CYRIB: variants seen among roughly 807,000 people sequenced by gnomAD.
CYRIB encodes the protein CYFIP-related Rac1 interactor B.
In CYRIB, 8 loss-of-function variants were observed where a neutral mutation model predicts 44.2. That is an observed-to-expected ratio of 0.18 (90% CI 0.11 to 0.33). The LOEUF (loss-of-function observed/expected upper bound fraction) is 0.33. CYRIB is among the 10% of genes least tolerant of loss of function. The probability of loss-of-function intolerance (pLI) is 1.00; values close to 1 mark genes in which losing one functional copy is unlikely to be tolerated. For synonymous variants in CYRIB, 131 were observed against 127.2 expected (o/e 1.03, Z -0.20); for missense variants, 185 against 382.8 (o/e 0.48, Z 4.31).
At chr8:129,945,140 T>C (rs2094043981) in intron 2 of CYRIB, among the ~76,000 whole-genome samples, 1 of 152,250 alleles carries the variant, frequency 6.6e-6, no homozygotes, top group African/African-American at 2.4e-5. Context: ...CATTGCTGTA[T>C]TGCAGGTAAA....
At chr8:129,872,556 A>C (rs2057700339) in intron 3 of CYRIB, among the ~76,000 whole-genome samples, 1 of 152,076 alleles carries the variant, frequency 6.6e-6, no homozygotes, top group South Asian at 2.1e-4. Context: ...TTTCTTTACA[A>C]ATCTTTCCAA....
At chr8:129,996,735 C>T (rs2096774804) in intron 1 of CYRIB, among the ~76,000 whole-genome samples, 1 of 152,092 alleles carries the variant, frequency 6.6e-6, no homozygotes, top group South Asian at 2.1e-4. Context: ...CCCCACAGCC[C>T]GCAGAATTCC....
At chr8:130,002,927 C>G (rs1321445097) in intron 1 of CYRIB, among the ~76,000 whole-genome samples, 2 of 152,208 alleles carry the variant, frequency 1.3e-5, no homozygotes, top group African/African-American at 4.8e-5. Flanking sequence ...AAGACTTCAT[C>G]TCTACTAAAA....
intron 1 of CYRIB, among the ~76,000 whole-genome samples, chr8:130,010,070 T>TC (rs1763907294): frequency 6.6e-6 from 1 of 152,108 alleles, no homozygotes; most frequent in South Asian, 2.1e-4. Flanking sequence ...TCACTGTCCT[T>TC]CCCCCACCTT....
chr8:129,924,635 G>T (rs1189499320), intron 1 of CYRIB, among the ~76,000 whole-genome samples: 1 of 151,978 alleles, frequency 6.6e-6, no homozygotes, highest in African/African-American at 2.4e-5. Context: ...TCATGACTTT[G>T]GTCACTCCCA....
At chr8:130,006,298 G>C (rs1378703391) in intron 1 of CYRIB, among the ~76,000 whole-genome samples, 2 of 151,230 alleles carry the variant, frequency 1.3e-5, no homozygotes, top group Non-Finnish European at 2.9e-5. Flanking sequence ...GTGACACTCT[G>C]TCTCAAAAGA....
At chr8:130,002,703 G>A (rs1216319729) in intron 1 of CYRIB, among the ~76,000 whole-genome samples, 5 of 152,224 alleles carry the variant, frequency 3.3e-5, no homozygotes, top group Non-Finnish European at 5.9e-5. Context: ...CTGACTTTGA[G>A]GGGCCGTGTA....
intron 1 of CYRIB, among the ~76,000 whole-genome samples, chr8:129,905,216 T>C (rs1371110472): frequency 1.3e-5 from 2 of 151,662 alleles, no homozygotes; most frequent in African/African-American, 4.8e-5. Context: ...GATTGATTGA[T>C]TGATTGATTG....
At position 129,977,452 on chromosome 8, in the gene CYRIB, G is replaced by A. The variant is rs549267143; in HGVS notation, c.-295-6457C>T. 2.0e-4 allele frequency among the ~76,000 whole-genome samples: 31 copies of A among 152,156 alleles called. 1 individual carries two copies. The South Asian group carries it at 6.2e-3, about 31-fold the overall frequency. ...GATGTGCACGTCTCTGTATGTAAATGTCAATAATAAGGTACAAAATGATCA... is the reference window on the plus strand; with the variant it reads ...GATGTGCACGTCTCTGTATGTAAATATCAATAATAAGGTACAAAATGATCA... On this transcript the variant is annotated intron_variant, in intron 1 of 14. Coordinates refer to the CYRIB transcript ENST00000401979.
chr8:129,839,668 ATTCT>A (rs2035339755), exon 12 of CYRIB: 1 of 152,192 alleles, frequency 6.6e-6, no homozygotes, highest in African/African-American at 2.4e-5. Context: ...ACAAAATATT[ATTCT>A]TTTGATTGTA....
chr8:129,857,868 T>C (rs1017962525), intron 5 of CYRIB, among the ~76,000 whole-genome samples: 8 of 152,132 alleles, frequency 5.3e-5, no homozygotes, highest in African/African-American at 1.9e-4. Context: ...AAAAGAAAAA[T>C]GCATCTGCCT....
At chr8:129,942,325 G>A (rs543868947), upstream of CYRIB, among the ~76,000 whole-genome samples, 22 of 152,246 alleles carry the variant, frequency 1.4e-4, no homozygotes, top group African/African-American at 4.6e-4. Flanking sequence ...GATGACGAGC[G>A]AAACACGTCT....
In CYRIB at chr8:129,956,835, C is replaced by T. The variant is rs567737916; in HGVS notation, c.-243+14108G>A. Among the ~76,000 whole-genome samples the T allele has an allele frequency of 2.7e-3, 386 of 140,698 alleles. 8 individuals carry two copies. Among genetic ancestry groups the T allele is most frequent in the Non-Finnish European group, 4.7e-3 (305 of 64,958 alleles). The allele number at this position is 140,698 out of a possible 152,430, so 92.3% of individuals were successfully genotyped here. On this transcript the variant is annotated intron_variant, in intron 2 of 14. Transcript: ENST00000401979. Reference sequence around the variant, plus strand: ...CTCCCTCCTCCCTCCCTCCCTCCCCCCAGCCTCTCTTTCTTTCTTTCTTTC... The same window carrying T: ...CTCCCTCCTCCCTCCCTCCCTCCCCTCAGCCTCTCTTTCTTTCTTTCTTTC...
intron 2 of CYRIB, among the ~76,000 whole-genome samples, chr8:129,967,719 C>T (rs2095541636): frequency 6.6e-6 from 1 of 152,140 alleles, no homozygotes; most frequent in South Asian, 2.1e-4. Flanking sequence ...TACCAGCACA[C>T]CAATGTAGAC....
intron 3 of CYRIB, among the ~76,000 whole-genome samples, chr8:129,874,310 A>T (rs2058398859): frequency 6.6e-6 from 1 of 152,104 alleles, no homozygotes; most frequent in South Asian, 2.1e-4. Context: ...GTTCTTATTG[A>T]AGGTAAATTA....
chr8:129,979,870 G>A (rs973890987), intron 1 of CYRIB, among the ~76,000 whole-genome samples: 3 of 152,098 alleles, frequency 2.0e-5, no homozygotes, highest in African/African-American at 7.2e-5. Context: ...GCAATGAGCC[G>A]AGATCACGCC....
exon 1 of CYRIB, chr8:130,016,432 T>TGCCGCC (rs1161504870): frequency 6.7e-6 from 1 of 149,508 alleles, no homozygotes; most frequent in Non-Finnish European, 1.5e-5. Context: ...GAGCCTCCGG[T>TGCCGCC]GCCGCCGCCG....
intron 1 of CYRIB, among the ~76,000 whole-genome samples, chr8:129,924,395 T>C (rs2086161991): frequency 6.8e-6 from 1 of 146,326 alleles, no homozygotes; most frequent in Non-Finnish European, 1.5e-5. Context: ...CAGATCTGCC[T>C]ATCCCAAAGT....
intron 1 of CYRIB, among the ~76,000 whole-genome samples, chr8:130,000,455 G>A (rs2096883516): frequency 6.6e-6 from 1 of 152,106 alleles, no homozygotes; most frequent in Non-Finnish European, 1.5e-5. Flanking sequence ...CACTTTGGGA[G>A]GCTGAGGCTG....
Sources: allele counts gnomAD v4.1 joint callset (sites outside exome capture counted in the v4.1 genomes callset), GRCh38; gene constraint gnomAD v4.1.1; transcripts MANE v1.5; gene names NCBI Gene and HGNC (gene_info 2026-07-23, HGNC 2026-07-21).